Variants in PRTG observed in about 807,000 individuals in gnomAD.
The protein encoded by PRTG is protogenin.
PRTG carries 67 observed loss-of-function variants against 122.5 expected under a neutral mutation model. The observed-to-expected ratio is 0.55, with a 90% CI of 0.45 to 0.67. The LOEUF (loss-of-function observed/expected upper bound fraction) is 0.67, where lower values mean the gene tolerates loss of function less well. Among genes scored for constraint, PRTG ranks in the 30% least tolerant of loss-of-function variants. The pLI is 0.00. For missense variants in PRTG, 1,435 were observed against 1,415.4 expected (o/e 1.01, Z -0.22); for synonymous variants, 554 against 501.1 (o/e 1.11, Z -1.41).
intron 2 of PRTG, among the ~76,000 whole-genome samples, chr15:55,725,440 G>A (rs933496010): frequency 2.0e-5 from 3 of 151,958 alleles, no homozygotes; most frequent in African/African-American, 2.4e-5. Context: ...TAAAAAATAC[G>A]AAAAAATCAG....
At chr15:55,646,163 T>C (rs1247355476) in intron 11 of PRTG, among the ~76,000 whole-genome samples, 3 of 145,686 alleles carry the variant, frequency 2.1e-5, no homozygotes, top group African/African-American at 7.5e-5. Context: ...TGCACCACCA[T>C]GCCCAGCTAG....
intron 17 of PRTG, among the ~76,000 whole-genome samples, chr15:55,626,386 G>A (rs111640775): frequency 0.084 from 12,636 of 151,322 alleles, 668 homozygotes; most frequent in Middle Eastern, 0.14. Flanking sequence ...TCCAGCCTGG[G>A]CGACAGAATG....
chr15:55,694,485 T>A (rs1419136264), intron 2 of PRTG, among the ~76,000 whole-genome samples: 3 of 152,058 alleles, frequency 2.0e-5, no homozygotes, highest in Non-Finnish European at 4.4e-5. Context: ...ACCTGGAAAT[T>A]ACAAGAAAAA....
At chr15:55,640,009 TAAG>T (rs2059280751) in intron 12 of PRTG, 181 bp from the exon 13 acceptor site, 1 of 967,498 alleles carries the variant, frequency 1.0e-6, no homozygotes, top group African/African-American at 1.8e-5. Context: ...GTGAGTTATA[TAAG>T]AAGTCAAAAA....
At chr15:55,622,837 G>A (rs1200546044) in intron 18 of PRTG, among the ~76,000 whole-genome samples, 3 of 152,072 alleles carry the variant, frequency 2.0e-5, no homozygotes, top group African/African-American at 4.8e-5. Flanking sequence ...CACTTGGCCT[G>A]TATCAGTACT....
intron 2 of PRTG, among the ~76,000 whole-genome samples, chr15:55,691,296 CAAAA>C (rs59129695): frequency 4.8e-5 from 4 of 82,830 alleles, no homozygotes; most frequent in African/African-American, 1.1e-4. Flanking sequence ...AACTCTGTTT[CAAAA>C]AAAAAAAAAA....
intron 11 of PRTG, among the ~76,000 whole-genome samples, chr15:55,667,482 G>T (rs1027329724): frequency 6.6e-6 from 1 of 151,916 alleles, no homozygotes; most frequent in Non-Finnish European, 1.5e-5. Flanking sequence ...GGCATTTTAA[G>T]ATACTGCAGA....
chr15:55,725,961 T>C (rs1270656562), intron 2 of PRTG, among the ~76,000 whole-genome samples: 1 of 152,012 alleles, frequency 6.6e-6, no homozygotes, highest in Non-Finnish European at 1.5e-5. Flanking sequence ...TGTTTTGTTT[T>C]TGAGACAGAG....
intron 14 of PRTG, 57 bp from the exon 15 acceptor site, chr15:55,637,397 A>C (rs1348172696): frequency 5.0e-6 from 7 of 1,389,612 alleles, no homozygotes; most frequent in Non-Finnish European, 6.7e-6. Flanking sequence ...ATAAATACTC[A>C]AATACCTGGC....
intron 2 of PRTG, among the ~76,000 whole-genome samples, chr15:55,702,167 G>T (rs559268582): frequency 1.3e-5 from 2 of 152,266 alleles, no homozygotes; most frequent in African/African-American, 4.8e-5. Flanking sequence ...CAGTGTTAAA[G>T]AAGAAAACTT....
In PRTG at chr15:55,672,709, TCA is replaced by T. The variant is rs2059479881; in HGVS notation, c.1853-78_1853-77del. ...AAAGACACAGAATAGGGTAGTTCTC[TCA>T]GTTTTAAGCAAACAATTACCAAAAG... On this transcript the variant is annotated intron_variant, in intron 10 of 19. Coordinates refer to ENST00000389286, the MANE Select transcript of PRTG (RefSeq NM_173814.6). 5.4e-6 allele frequency: 6 copies of T among 1,119,980 alleles called. No individual in the cohort carries two copies. In the East Asian group the frequency reaches 1.3e-4, roughly 25 times the overall value. The allele number at this position is 1,119,980 out of a possible 1,614,324, so 69.4% of individuals were successfully genotyped here. A position where few individuals can be genotyped will look rare whatever the true frequency, so the allele number is the denominator to read the frequency against.
intron 17 of PRTG, among the ~76,000 whole-genome samples, chr15:55,626,298 A>G (rs139415313): frequency 0.01 from 1,546 of 151,968 alleles, 17 homozygotes; most frequent in Non-Finnish European, 0.011. Flanking sequence ...AATGCCAGCT[A>G]CTTGGGAGGC....
chr15:55,661,561 T>C (rs951856497), intron 11 of PRTG, among the ~76,000 whole-genome samples: 1 of 152,178 alleles, frequency 6.6e-6, no homozygotes, highest in Non-Finnish European at 1.5e-5. Context: ...AGTTTCAGGG[T>C]AGACAATTTT....
intron 2 of PRTG, among the ~76,000 whole-genome samples, chr15:55,719,640 GTAT>G (rs1276076376): frequency 3.9e-5 from 6 of 152,052 alleles, no homozygotes; most frequent in African/African-American, 1.4e-4. Context: ...ATGTAAAAAG[GTAT>G]TATTTTACTA....
chr15:55,681,421 AACTT>A (rs1184087942), intron 4 of PRTG: 1 of 152,098 alleles, frequency 6.6e-6, no homozygotes, highest in Non-Finnish European at 1.5e-5. Context: ...CATTTAAACA[AACTT>A]AACCTTTGAA....
Position 55,704,637 on chromosome 15 carries a change from A to G in PRTG, c.398-20706T>C, listed in dbSNP as rs80225060. 1.5e-3 allele frequency among the ~76,000 whole-genome samples: 226 copies of G among 152,286 alleles called. 2 individuals are homozygous for G. In the East Asian group the frequency reaches 0.015, roughly 10 times the overall value. ...TTTAGTACTCCTTTCTCTTTCACAT[A>G]ATAACCACTCAGTATTTACTAAATG... On this transcript the variant is annotated intron_variant, in intron 2 of 19. Coordinates refer to ENST00000389286, the MANE Select transcript of PRTG (RefSeq NM_173814.6).
intron 11 of PRTG, among the ~76,000 whole-genome samples, chr15:55,649,124 C>A (rs542488009): frequency 1.4e-3 from 214 of 151,618 alleles, no homozygotes; most frequent in African/African-American, 4.9e-3. Flanking sequence ...ACAAAAAAAA[C>A]CCCTCTGTAT....
chr15:55,733,418 G>C (rs1457233984), intron 2 of PRTG, among the ~76,000 whole-genome samples: 1 of 147,176 alleles, frequency 6.8e-6, no homozygotes, highest in Non-Finnish European at 1.5e-5. Context: ...GCTGAGGCAT[G>C]AAAATTGCTT....
intron 1 of PRTG, chr15:55,742,188 T>A (rs1424954261): frequency 6.6e-6 from 1 of 152,368 alleles, no homozygotes; most frequent in Non-Finnish European, 1.5e-5. Context: ...CTTCGGGGAC[T>A]TTTCCCCCCT....
Sources: allele counts gnomAD v4.1 joint callset (sites outside exome capture counted in the v4.1 genomes callset), GRCh38; gene constraint gnomAD v4.1.1; transcripts MANE v1.5; gene names NCBI Gene and HGNC (gene_info 2026-07-23, HGNC 2026-07-21).